Variants in ZNF544 observed in about 807,000 individuals in gnomAD.
ZNF544 encodes the protein zinc finger protein AF020591.
A neutral mutation model predicts 13.5 loss-of-function variants in ZNF544; 10 were observed. That is an observed-to-expected ratio of 0.74 (90% CI 0.46 to 1.25). The LOEUF (loss-of-function observed/expected upper bound fraction) is 1.25, where lower values mean the gene tolerates loss of function less well. ZNF544 is among the 50% of genes most tolerant of loss of function. The pLI is 0.00. For missense variants in ZNF544, 896 were observed against 845.6 expected, an observed-to-expected ratio of 1.06 and a Z score of -0.74; for synonymous variants, 323 against 300.5, an observed-to-expected ratio of 1.07 and a Z score of -0.77.
chr19:58,245,488 G>A (rs530014447), intron 4 of ZNF544, among the ~76,000 whole-genome samples: 127 of 151,298 alleles, frequency 8.4e-4, no homozygotes, highest in African/African-American at 2.9e-3. Flanking sequence ...TTTTAGTAGA[G>A]ACGGGGTTTC....
chr19:58,231,611 C>T (rs891277185), intron 3 of ZNF544, among the ~76,000 whole-genome samples: 2 of 152,106 alleles, frequency 1.3e-5, no homozygotes, highest in African/African-American at 4.8e-5. Context: ...GTTGCCCAGG[C>T]TTGTCTCGAA....
chr19:58,270,054 G>A lies in ZNF544; in HGVS notation c.245-6269G>A, dbSNP rs568692037. ...TATTCACCCATAACTTAAAAAAAAA[G>A]GTAATTTTAATTGAAGGCTTCAAGG... On this transcript the variant is annotated intron_variant, in intron 5 of 6. Transcript: ENST00000595981. Among the ~76,000 whole-genome samples the A allele has an allele frequency of 1.1e-4, 17 of 152,256 alleles. No homozygotes were observed. In the East Asian group the frequency reaches 1.9e-3, roughly 17 times the overall value.
chr19:58,233,061 A>T (rs1358417988), intron 3 of ZNF544, among the ~76,000 whole-genome samples: 1 of 152,128 alleles, frequency 6.6e-6, no homozygotes, highest in East Asian at 1.9e-4. Flanking sequence ...TCATGGCGGA[A>T]GGCGAAGGAG....
intron 3 of ZNF544, among the ~76,000 whole-genome samples, chr19:58,239,797 G>T (rs867536479): frequency 1.3e-5 from 2 of 152,072 alleles, no homozygotes; most frequent in African/African-American, 2.4e-5. Flanking sequence ...TACTTGGGAG[G>T]CTGAGACAGG....
At chr19:58,256,715 T>C (rs1393002900) in intron 6 of ZNF544, among the ~76,000 whole-genome samples, 3 of 152,186 alleles carry the variant, frequency 2.0e-5, no homozygotes, top group African/African-American at 7.2e-5. Flanking sequence ...TATCAGTTAA[T>C]TGGGCTCTTT....
intron 4 of ZNF544, among the ~76,000 whole-genome samples, chr19:58,245,298 GTT>G (rs764540480): frequency 2.2e-5 from 3 of 135,698 alleles, no homozygotes; most frequent in Non-Finnish European, 1.6e-5. Context: ...TGTTTGTGGG[GTT>G]TTTTTTTTTT....
At chr19:58,275,197 C>G (rs563959625) in intron 5 of ZNF544, among the ~76,000 whole-genome samples, 8 of 152,110 alleles carry the variant, frequency 5.3e-5, no homozygotes, top group African/African-American at 9.7e-5. Context: ...GGAGCCCCCC[C>G]ACACTTGTCT....
Position 58,263,157 on chromosome 19 carries a change from ACT to A in ZNF544, c.*406_*407del, listed in dbSNP as rs1262750986. The stretch of plus-strand genomic sequence containing the variant: ...ACATGAGAAAGCTCATGGGCAAGAA[ACT>A]CTATGAATAACCAAGATGGAGCCGG... On this transcript the variant is annotated 3_prime_UTR_variant, in exon 7 of 7. Coordinates refer to ENST00000687789, the MANE Select transcript of ZNF544 (RefSeq NM_014480.4). 2 of 1,000,774 alleles carry A rather than the reference ACT, an allele frequency of 2.0e-6. No homozygotes were observed. Among genetic ancestry groups the A allele is most frequent in the Non-Finnish European group, 2.4e-6 (2 of 838,590 alleles). The allele number at this position is 1,000,774 out of a possible 1,614,324, so 62.0% of individuals were successfully genotyped here.
At position 58,276,565 on chromosome 19, in the gene ZNF544, T is replaced by G. The variant is rs903813541; in HGVS notation, c.351+136T>G. On this transcript the variant is annotated intron_variant, in intron 6 of 6. Transcript: ENST00000595981. ...TAATCGCAACCTCCGCCTCCCAGTTTCAAGCGATTCTCCTGCCTCAGCCTC... is the reference window on the plus strand; with the variant it reads ...TAATCGCAACCTCCGCCTCCCAGTTGCAAGCGATTCTCCTGCCTCAGCCTC... 22 of 411,408 alleles carry G rather than the reference T, an allele frequency of 5.3e-5. 1 individual carries two copies. In the Middle Eastern group the frequency reaches 3.4e-3, roughly 63 times the overall value. 25.5% of individuals were successfully genotyped at this position (411,408 alleles called of 1,614,324 possible).
intron 5 of ZNF544, among the ~76,000 whole-genome samples, chr19:58,274,972 G>T (rs1490791162): frequency 6.6e-6 from 1 of 151,908 alleles, no homozygotes; most frequent in Non-Finnish European, 1.5e-5. Flanking sequence ...AAATAAGGGA[G>T]AGAAGACAGC....
At chr19:58,241,361 A>T (rs1380996350) in intron 3 of ZNF544, among the ~76,000 whole-genome samples, 1 of 150,720 alleles carries the variant, frequency 6.6e-6, no homozygotes, top group Non-Finnish European at 1.5e-5. Context: ...GTAAATGTGT[A>T]CATACACCAA....
At chr19:58,234,531 C>T (rs79562691) in intron 3 of ZNF544, among the ~76,000 whole-genome samples, 1,820 of 152,346 alleles carry the variant, frequency 0.012, 17 homozygotes, top group Non-Finnish European at 0.018. Flanking sequence ...AGTTAATCAT[C>T]GTTGATGGTG....
At chr19:58,235,813 C>A (rs944324225) in intron 3 of ZNF544, among the ~76,000 whole-genome samples, 3 of 152,178 alleles carry the variant, frequency 2.0e-5, no homozygotes, top group African/African-American at 7.2e-5. Context: ...GTAATCTCAG[C>A]ACTTTGGGAG....
chr19:58,248,625 C>T (rs2045791262), intron 6 of ZNF544, among the ~76,000 whole-genome samples: 1 of 152,150 alleles, frequency 6.6e-6, no homozygotes, highest in Admixed American at 6.5e-5. Context: ...AGTAGTTCCA[C>T]TACCCTAAAT....
chr19:58,271,215 GAAA>G (rs78260094), intron 5 of ZNF544, among the ~76,000 whole-genome samples: 8 of 116,926 alleles, frequency 6.8e-5, no homozygotes, highest in Non-Finnish European at 5.5e-5. Flanking sequence ...CCGTCTCCAG[GAAA>G]AAAAAAAAAA....
In ZNF544 at chr19:58,261,726, C is replaced by G; in HGVS notation, c.1120C>G (p.His374Asp). 1 of 1,614,248 alleles carries G rather than the reference C, an allele frequency of 6.2e-7. No individual in the cohort carries two copies. The highest frequency in any genetic ancestry group is 8.5e-7 in the Non-Finnish European group (1 of 1,180,046). ...TTGTAAGCTCATACACCAGAGAACA[C>G]ACACTGGAGAAAAGCCCTTCGAATG... ...SCCKLIHQRT[H>D]TGEKPFECTQ... Residue 374 changes from histidine (H) to aspartate (D), a missense_variant, in exon 7 of 7, where the codon CAC becomes GAC. Physicochemically the swap from His to Asp is moderately conservative, Grantham distance 81. Coordinates refer to ENST00000687789, the MANE Select transcript of ZNF544 (RefSeq NM_014480.4).
At chr19:58,242,972 C>T (rs879519526) in intron 3 of ZNF544, among the ~76,000 whole-genome samples, 6 of 151,964 alleles carry the variant, frequency 3.9e-5, no homozygotes, top group Admixed American at 2.6e-4. Context: ...TGGGATTACA[C>T]GCGTGAGCCA....
At chr19:58,268,415 T>C (rs1389880457), downstream of ZNF544, among the ~76,000 whole-genome samples, 3 of 152,224 alleles carry the variant, frequency 2.0e-5, no homozygotes, top group East Asian at 5.8e-4. Context: ...AGATACAATG[T>C]TTAGTGAGAA....
intron 3 of ZNF544, 97 bp from the exon 4 acceptor site, chr19:58,243,868 C>T (rs1156543514): frequency 1.0e-6 from 1 of 998,486 alleles, no homozygotes; most frequent in Non-Finnish European, 1.4e-6. Flanking sequence ...CCTGGGAAGC[C>T]CTGCTTGTGG....
Sources: gnomAD v4.1 joint callset for allele counts (sites outside exome capture counted in the v4.1 genomes callset) on GRCh38, gnomAD v4.1.1 for gene constraint, MANE v1.5 for transcripts, NCBI Gene and HGNC (gene_info 2026-07-23, HGNC 2026-07-21) for gene names.